The following ARID5B variants were observed in gnomAD, a reference collection of about 807,000 sequenced individuals.
ARID5B encodes AT-rich interactive domain-containing protein 5B.
In ARID5B, 13 loss-of-function variants were observed where a neutral mutation model predicts 97.2. The ratio of observed to expected loss-of-function variants is 0.13; its 90% confidence interval spans 0.09 to 0.21. The LOEUF (loss-of-function observed/expected upper bound fraction) is 0.21. Ranked by LOEUF, ARID5B falls within the 10% of genes least tolerant of loss-of-function variation. The pLI is 1.00. For synonymous variants in ARID5B, 556 were observed against 570.3 expected, an observed-to-expected ratio of 0.97 and a Z score of 0.36; for missense variants, 1,210 against 1,465.3, an observed-to-expected ratio of 0.83 and a Z score of 2.84.
At position 62,067,578 on chromosome 10, in the gene ARID5B, G is replaced by A. The variant is rs139960954; in HGVS notation, c.1102-2122G>A. 1.1e-3 allele frequency among the ~76,000 whole-genome samples: 170 copies of A among 152,378 alleles called. 3 individuals are homozygous for A. The East Asian group carries it at 0.029, about 26-fold the overall frequency. On this transcript the variant is annotated intron_variant, in intron 7 of 9. Coordinates refer to ENST00000279873, the MANE Select transcript of ARID5B (RefSeq NM_032199.3). ...GAAACAGTGATTCCCACAGTTACCT[G>A]CCTCATTTGAAGGAAAAGGCTCCCA...
intron 4 of ARID5B, among the ~76,000 whole-genome samples, chr10:62,015,747 C>T (rs1839276003): frequency 6.6e-6 from 1 of 152,162 alleles, no homozygotes; most frequent in South Asian, 2.1e-4. Context: ...CCTCAGCCTC[C>T]TGAGTAGCTG....
chr10:61,988,935 A>AAT (rs1554842698), intron 3 of ARID5B, among the ~76,000 whole-genome samples: 1 of 62,238 alleles, frequency 1.6e-5, no homozygotes, highest in Non-Finnish European at 3.1e-5. Context: ...TTTTTCTTTT[A>AAT]CTTTTTTTTT....
chr10:62,086,709 A>AAAAAAAAAAAAAAAAC (rs778821864), intron 9 of ARID5B, among the ~76,000 whole-genome samples: 2 of 113,978 alleles, frequency 1.8e-5, no homozygotes, highest in African/African-American at 3.2e-5. Flanking sequence ...AAAAAAAAAA[A>AAAAAAAAAAAAAAAAC]AAATATCAGG....
chr10:62,026,621 C>G (rs977789565), intron 4 of ARID5B, among the ~76,000 whole-genome samples: 1 of 152,178 alleles, frequency 6.6e-6, no homozygotes, highest in Non-Finnish European at 1.5e-5. Context: ...ATGTAACTGA[C>G]AGACTGGCAA....
In ARID5B at chr10:61,999,554, G is replaced by A. The variant is rs561061941; in HGVS notation, c.503-537G>A. Among the ~76,000 whole-genome samples, 10 of 152,274 alleles carry A rather than the reference G, an allele frequency of 6.6e-5. No individual in the cohort carries two copies. In the South Asian group the frequency reaches 2.1e-3, roughly 32 times the overall value. On this transcript the variant is annotated intron_variant, in intron 3 of 9. Coordinates refer to ENST00000279873, the MANE Select transcript of ARID5B (RefSeq NM_032199.3). ...TGCCCCTGCCAAGCCTTACAGGAGAGTGTCCTACTGCATATCACCAGCCCA... is the reference window on the plus strand; with the variant it reads ...TGCCCCTGCCAAGCCTTACAGGAGAATGTCCTACTGCATATCACCAGCCCA...
chr10:61,994,420 G>A (rs1838969534), intron 3 of ARID5B, among the ~76,000 whole-genome samples: 1 of 152,070 alleles, frequency 6.6e-6, no homozygotes, highest in Non-Finnish European at 1.5e-5. Context: ...TTTCTCCTCT[G>A]GAATTTATGT....
chr10:61,931,782 GA>G (rs1844214350), intron 2 of ARID5B, among the ~76,000 whole-genome samples: 1 of 152,056 alleles, frequency 6.6e-6, no homozygotes, highest in African/African-American at 2.4e-5. Context: ...AACACAATGA[GA>G]AACTACCACA....
At chr10:62,048,113 C>A (rs1839735466) in intron 4 of ARID5B, among the ~76,000 whole-genome samples, 1 of 152,338 alleles carries the variant, frequency 6.6e-6, no homozygotes, top group East Asian at 1.9e-4. Context: ...AAGGTGAATG[C>A]AGTTTTACAA....
At chr10:62,018,207 C>T (rs971076078) in intron 4 of ARID5B, among the ~76,000 whole-genome samples, 1 of 152,242 alleles carries the variant, frequency 6.6e-6, no homozygotes, top group African/African-American at 2.4e-5. Flanking sequence ...CAGACCTCCT[C>T]TCCCTTCGTT....
intron 3 of ARID5B, among the ~76,000 whole-genome samples, chr10:61,962,239 A>G: frequency 6.6e-6 from 1 of 152,228 alleles, no homozygotes; most frequent in Admixed American, 6.5e-5. Flanking sequence ...CTGCATTGGA[A>G]CAACCCCCTT....
intron 3 of ARID5B, among the ~76,000 whole-genome samples, chr10:61,974,480 G>A (rs1838673340): frequency 6.6e-6 from 1 of 152,116 alleles, no homozygotes; most frequent in Non-Finnish European, 1.5e-5. Context: ...TGTGGGACAG[G>A]AATGTTGAAA....
chr10:62,076,865 C>G lies in ARID5B; in HGVS notation c.1199+7068C>G, dbSNP rs955316519. ...TAAGGTTACCCAGTCAATGGACTTG[C>G]ATTTCCTTTCCCAACACTGTCTTTC... On this transcript the variant is annotated intron_variant, in intron 8 of 9. Transcript: ENST00000279873. Among the ~76,000 whole-genome samples the G allele has an allele frequency of 6.6e-5, 10 of 152,242 alleles. 1 individual carries two copies. Among genetic ancestry groups the G allele is most frequent in the Admixed American group, 5.9e-4 (9 of 15,290 alleles).
chr10:61,912,750 A>G (rs1057084701), intron 2 of ARID5B, among the ~76,000 whole-genome samples: 6 of 144,946 alleles, frequency 4.1e-5, no homozygotes, highest in African/African-American at 1.2e-4. Flanking sequence ...TACATTACAC[A>G]TATATACATA....
intron 3 of ARID5B, among the ~76,000 whole-genome samples, chr10:61,990,224 T>G (rs1445757009): frequency 2.0e-5 from 3 of 152,206 alleles, no homozygotes; most frequent in East Asian, 1.9e-4. Context: ...CCTATAAAAG[T>G]GCTCTTGACA....
chr10:61,960,207 A>G (rs1838451498), intron 3 of ARID5B, among the ~76,000 whole-genome samples: 2 of 152,294 alleles, frequency 1.3e-5, no homozygotes, highest in South Asian at 4.1e-4. Context: ...AGGAGACAAT[A>G]GGTAATATTC....
At chr10:61,977,899 A>T (rs201612502) in intron 3 of ARID5B, among the ~76,000 whole-genome samples, 3 of 152,126 alleles carry the variant, frequency 2.0e-5, no homozygotes, top group East Asian at 3.8e-4. Flanking sequence ...TTTTGTTGCC[A>T]TTGCTTTTGG....
At chr10:61,904,334 G>C (rs1843672842) in intron 2 of ARID5B, among the ~76,000 whole-genome samples, 1 of 151,936 alleles carries the variant, frequency 6.6e-6, no homozygotes, top group Non-Finnish European at 1.5e-5. Flanking sequence ...GACCCCACTT[G>C]GTACAGTTTT....
intron 4 of ARID5B, among the ~76,000 whole-genome samples, chr10:62,023,791 T>C (rs942030086): frequency 1.1e-4 from 16 of 152,220 alleles, no homozygotes; most frequent in African/African-American, 3.9e-4. Context: ...AAGCCACAAA[T>C]ATTTATTGAA....
At chr10:61,970,972 A>AGTGTGTGTGTGTGTGT (rs55961997) in intron 3 of ARID5B, among the ~76,000 whole-genome samples, 4 of 150,192 alleles carry the variant, frequency 2.7e-5, no homozygotes, top group African/African-American at 7.3e-5. Flanking sequence ...TTGCTTTTAA[A>AGTGTGTGTGTGTGTGT]GTGTGTGTGT....
Sources: gnomAD v4.1 joint callset for allele counts (sites outside exome capture counted in the v4.1 genomes callset) on GRCh38, gnomAD v4.1.1 for gene constraint, MANE v1.5 for transcripts, NCBI Gene and HGNC (gene_info 2026-07-23, HGNC 2026-07-21) for gene names.